Variants in DGKI observed in about 807,000 individuals in gnomAD.
DGKI encodes DAG kinase iota.
Under a neutral mutation model 147.5 loss-of-function variants are expected in DGKI, and 55 were observed. That is an observed-to-expected ratio of 0.37 (90% CI 0.30 to 0.47). DGKI has a LOEUF of 0.47. DGKI is among the 20% of genes least tolerant of loss of function. The pLI is 1.00. For missense variants in DGKI, 1,007 were observed against 1,323.8 expected (o/e 0.76, Z 3.71); for synonymous variants, 469 against 477.1 (o/e 0.98, Z 0.22).
intron 2 of DGKI, among the ~76,000 whole-genome samples, chr7:137,688,101 TG>T (rs1397060986): frequency 2.0e-5 from 3 of 152,216 alleles, no homozygotes; most frequent in African/African-American, 4.8e-5. Flanking sequence ...AAGCATTTTC[TG>T]ATAACTATTT....
intron 1 of DGKI, among the ~76,000 whole-genome samples, chr7:137,780,128 C>T (rs1458355664): frequency 1.3e-5 from 2 of 152,124 alleles, no homozygotes; most frequent in Non-Finnish European, 1.5e-5. Flanking sequence ...TTTTGAAAGG[C>T]GGTCAGAGAC....
intron 20 of DGKI, among the ~76,000 whole-genome samples, chr7:137,539,069 C>A (rs569710417): frequency 1.3e-5 from 2 of 152,294 alleles, no homozygotes; most frequent in South Asian, 4.1e-4. Flanking sequence ...CCTCCATTTT[C>A]TCCCACTACA....
intron 1 of DGKI, among the ~76,000 whole-genome samples, chr7:137,720,519 A>C (rs1794522007): frequency 6.6e-6 from 1 of 152,002 alleles, no homozygotes; most frequent in Admixed American, 6.5e-5. Context: ...CGGCCTCCCA[A>C]AGTGCTGGGA....
At chr7:137,706,154 T>C (rs2116536531) in intron 1 of DGKI, among the ~76,000 whole-genome samples, 1 of 152,104 alleles carries the variant, frequency 6.6e-6, no homozygotes, top group East Asian at 1.9e-4. Context: ...AATATTTATC[T>C]TTTTTAAAGA....
intron 6 of DGKI, among the ~76,000 whole-genome samples, chr7:137,636,766 T>C (rs913654535): frequency 6.6e-6 from 1 of 152,228 alleles, no homozygotes; most frequent in Non-Finnish European, 1.5e-5. Context: ...TATGAGTGGC[T>C]TGGTGCTGCA....
At position 137,554,233 on chromosome 7, in the gene DGKI, G is replaced by A. The variant is rs945568816; in HGVS notation, c.1948-1665C>T. 5.9e-5 allele frequency among the ~76,000 whole-genome samples: 9 copies of A among 152,256 alleles called. No individual in the cohort carries two copies. In the East Asian group the frequency reaches 1.4e-3, roughly 23 times the overall value. ...TAAATTATTTTTGGAACAAATTAGAGTATAAGTAATTTTTTAAAACTTATT... is the reference window on the plus strand; with the variant it reads ...TAAATTATTTTTGGAACAAATTAGAATATAAGTAATTTTTTAAAACTTATT... On this transcript the variant is annotated intron_variant, in intron 19 of 32. Transcript: ENST00000614521.
chr7:137,438,025 T>C (rs1813347631), intron 28 of DGKI, among the ~76,000 whole-genome samples: 1 of 152,102 alleles, frequency 6.6e-6, no homozygotes, highest in Non-Finnish European at 1.5e-5. Flanking sequence ...TTGAAAGATT[T>C]CTTTAAAAAA....
intron 19 of DGKI, among the ~76,000 whole-genome samples, chr7:137,570,807 TG>T (rs954184938): frequency 2.6e-5 from 4 of 152,162 alleles, no homozygotes; most frequent in African/African-American, 7.2e-5. Context: ...CAGGCTCTTC[TG>T]GAACTCCTGA....
At chr7:137,832,556 G>A (rs1007731562) in intron 1 of DGKI, among the ~76,000 whole-genome samples, 1 of 152,252 alleles carries the variant, frequency 6.6e-6, no homozygotes, top group Non-Finnish European at 1.5e-5. Flanking sequence ...AGTCTGCACA[G>A]AGCAAGAGGT....
chr7:137,786,729 A>G (rs1796682768), intron 1 of DGKI, among the ~76,000 whole-genome samples: 1 of 152,132 alleles, frequency 6.6e-6, no homozygotes, highest in Admixed American at 6.6e-5. Flanking sequence ...AAACTATACT[A>G]TAAGGCCACA....
chr7:137,405,558 T>G (rs1354905641), intron 30 of DGKI, among the ~76,000 whole-genome samples: 1 of 152,212 alleles, frequency 6.6e-6, no homozygotes, highest in African/African-American at 2.4e-5. Flanking sequence ...TGTGGTAGAT[T>G]AAATATCTCC....
intron 28 of DGKI, among the ~76,000 whole-genome samples, chr7:137,422,922 A>G (rs1182281180): frequency 6.6e-6 from 1 of 152,116 alleles, no homozygotes; most frequent in East Asian, 1.9e-4. Context: ...CATTTTCATC[A>G]TGAACCTAAA....
At chr7:137,432,644 C>T (rs1813124281) in intron 28 of DGKI, among the ~76,000 whole-genome samples, 1 of 152,134 alleles carries the variant, frequency 6.6e-6, no homozygotes. Context: ...AAGTAATTTG[C>T]TGAAGACCTC....
At chr7:137,583,822 C>T (rs866059302) in intron 14 of DGKI, among the ~76,000 whole-genome samples, 4 of 152,082 alleles carry the variant, frequency 2.6e-5, no homozygotes, top group South Asian at 2.1e-4. Context: ...AAAAAAGCTT[C>T]GTATCTCAAG....
intron 3 of DGKI, among the ~76,000 whole-genome samples, chr7:137,673,813 G>A (rs758865453): frequency 6.6e-4 from 100 of 152,186 alleles, no homozygotes; most frequent in Non-Finnish European, 1.3e-3. Flanking sequence ...TACTACTGGA[G>A]GGGTGAGCTC....
chr7:137,489,957 A>C (rs944403836), intron 21 of DGKI, among the ~76,000 whole-genome samples: 3 of 152,200 alleles, frequency 2.0e-5, no homozygotes, highest in Non-Finnish European at 2.9e-5. Context: ...AAGATATGGA[A>C]TCAAGAGGAA....
In DGKI at chr7:137,846,161, T is replaced by TCTCTCTCTCTCTCTCACA. The variant is rs781580130; in HGVS notation, c.401+300_401+301insTGTGAGAGAGAGAGAGAG. Among the ~76,000 whole-genome samples, 80 of 108,192 alleles carry TCTCTCTCTCTCTCTCACA rather than the reference T, an allele frequency of 7.4e-4. No homozygotes were observed. The highest frequency in any genetic ancestry group is 2.0e-3 in the East Asian group (7 of 3,568). 71.0% of individuals were successfully genotyped at this position (108,192 alleles called of 152,430 possible). On this transcript the variant is annotated intron_variant, in intron 1 of 32. Coordinates refer to ENST00000614521, the MANE Select transcript of DGKI (RefSeq NM_001321708.2). This position sits in a 1 kb window ranked among gnomAD's most constrained non-coding sequence, Gnocchi z 4.0. ...CTCTCTCTCTCTCTCTCTCTCTCTC[T>TCTCTCTCTCTCTCTCACA]CACACACACACACACACACACACAC...
At chr7:137,741,001 G>T (rs1331719480) in intron 1 of DGKI, among the ~76,000 whole-genome samples, 2 of 152,092 alleles carry the variant, frequency 1.3e-5, no homozygotes, top group Non-Finnish European at 2.9e-5. Context: ...AAAAAGGGTG[G>T]CTAAGTCTTA....
In DGKI at chr7:137,493,802, T is replaced by C. The variant is rs1815860613; in HGVS notation, c.2249-6113A>G. Reference sequence around the variant, plus strand: ...TCTTACCTCCAAATGACTGCACTAGTTCCCCAGCAATGGTTCTTAACCAGT... The same window carrying C: ...TCTTACCTCCAAATGACTGCACTAGCTCCCCAGCAATGGTTCTTAACCAGT... On this transcript the variant is annotated intron_variant, in intron 21 of 32. Transcript: ENST00000614521. 3 of 701,950 alleles carry C rather than the reference T, an allele frequency of 4.3e-6. No homozygotes were observed. The East Asian group carries it at 8.0e-5, about 19-fold the overall frequency. 43.5% of individuals were successfully genotyped at this position (701,950 alleles called of 1,614,324 possible).
Sources: allele counts gnomAD v4.1 joint callset (sites outside exome capture counted in the v4.1 genomes callset), GRCh38; gene constraint gnomAD v4.1.1; non-coding constraint Gnocchi (gnomAD v3.1); transcripts MANE v1.5; gene names NCBI Gene and HGNC (gene_info 2026-07-23, HGNC 2026-07-21).